ATP9A: variants seen among roughly 807,000 people sequenced by gnomAD.
ATP9A encodes ATPase phospholipid transporting 9A.
A neutral mutation model predicts 144.1 loss-of-function variants in ATP9A; 52 were observed. The ratio of observed to expected loss-of-function variants is 0.36; its 90% confidence interval spans 0.29 to 0.45. The LOEUF (loss-of-function observed/expected upper bound fraction) is 0.45. Among genes scored for constraint, ATP9A ranks in the 20% least tolerant of loss-of-function variants. ATP9A has a pLI of 1.00. For missense variants in ATP9A, 947 were observed against 1,392.7 expected, an observed-to-expected ratio of 0.68 and a Z score of 5.09; for synonymous variants, 582 against 557.4, an observed-to-expected ratio of 1.04 and a Z score of -0.62.
rs753320696 is a variant in ATP9A, at chr20:51,618,931, C to T, written c.2205+23G>A. The stretch of plus-strand genomic sequence containing the variant: ...AGACCCAGGCTGCTGGGAGGACTGG[C>T]TCTCAGGGGTCCCCAAGCTCACCTC... On this transcript the variant is annotated intron_variant, in intron 20 of 27. Coordinates refer to ENST00000338821, the MANE Select transcript of ATP9A (RefSeq NM_006045.3). 1.6e-5 allele frequency: 25 copies of T among 1,612,900 alleles called. No individual in the cohort carries two copies. In the African/African-American group the frequency reaches 2.7e-4, roughly 17 times the overall value.
intron 1 of ATP9A, among the ~76,000 whole-genome samples, chr20:51,760,375 C>T (rs1046130123): frequency 1.8e-4 from 27 of 152,070 alleles, no homozygotes; most frequent in Admixed American, 1.7e-3. Flanking sequence ...CCATATTTCC[C>T]CTAAGAGCAA....
At chr20:51,659,224 G>A (rs1382468464) in intron 13 of ATP9A, among the ~76,000 whole-genome samples, 2 of 152,054 alleles carry the variant, frequency 1.3e-5, no homozygotes, top group Admixed American at 6.6e-5. Context: ...CCTTCCCGTT[G>A]CAAGTCACAT....
rs189667061 is a variant in ATP9A at position 51,619,930 on chromosome 20, C to T, written c.2116-887G>A. On this transcript the variant is annotated intron_variant, in intron 19 of 27. Coordinates refer to ENST00000338821, the MANE Select transcript of ATP9A (RefSeq NM_006045.3). ...TCGGCCAGGTGTTGGATGATGCATT[C>T]GGTGGATTTTTCTCATTTATTTCTC... 4.7e-5 allele frequency among the ~76,000 whole-genome samples: 7 copies of T among 150,096 alleles called. No individual in the cohort carries two copies. The East Asian group carries it at 1.2e-3, about 25-fold the overall frequency.
intron 14 of ATP9A, among the ~76,000 whole-genome samples, chr20:51,641,681 A>C (rs1189515822): frequency 6.6e-6 from 1 of 151,326 alleles, no homozygotes; most frequent in Non-Finnish European, 1.5e-5. Context: ...AAAATAAAAA[A>C]TAAGCTGGGC....
intron 13 of ATP9A, among the ~76,000 whole-genome samples, chr20:51,668,194 C>T (rs2077441854): frequency 1.7e-5 from 2 of 119,804 alleles, no homozygotes; most frequent in South Asian, 5.7e-4. Flanking sequence ...AAAAAAAAGG[C>T]CGAAGGGGTG....
chr20:51,756,598 C>T (rs2077857253), intron 1 of ATP9A, among the ~76,000 whole-genome samples: 1 of 151,936 alleles, frequency 6.6e-6, no homozygotes, highest in Admixed American at 6.6e-5. Flanking sequence ...GCCTCTCTTT[C>T]TGTCTTAATC....
chr20:51,709,397 C>G (rs978704278), intron 4 of ATP9A, among the ~76,000 whole-genome samples: 39 of 152,140 alleles, frequency 2.6e-4, no homozygotes, highest in Non-Finnish European at 1.2e-4. Context: ...CACCTGTAAT[C>G]CCAGCTACTC....
At position 51,755,318 on chromosome 20, in the gene ATP9A, C is replaced by T. The variant is rs557654034; in HGVS notation, c.68+12984G>A. Among the ~76,000 whole-genome samples, 11 of 151,898 alleles carry T rather than the reference C, an allele frequency of 7.2e-5. No individual in the cohort carries two copies. In the East Asian group the frequency reaches 1.7e-3, roughly 24 times the overall value. On this transcript the variant is annotated intron_variant, in intron 1 of 27. Coordinates refer to ENST00000338821, the MANE Select transcript of ATP9A (RefSeq NM_006045.3). ...GGCGTGGTGCCACGGGCCTGTAATC[C>T]CAGCTACCCAGGAGGCTGAGGCAGG...
chr20:51,632,120 A>G (rs1233914326), intron 15 of ATP9A, among the ~76,000 whole-genome samples: 3 of 151,938 alleles, frequency 2.0e-5, no homozygotes, highest in Non-Finnish European at 1.5e-5. Context: ...CCCAGGCTAG[A>G]GCGCAATGGC....
intron 1 of ATP9A, among the ~76,000 whole-genome samples, chr20:51,753,102 CA>C (rs200895118): frequency 6.3e-4 from 79 of 125,326 alleles, no homozygotes; most frequent in South Asian, 1.0e-3. Flanking sequence ...GACTCTGTCT[CA>C]AAAAAAAAAA....
At position 51,676,180 on chromosome 20, in the gene ATP9A, A is replaced by C; in HGVS notation, c.828T>G (p.Thr276=). The change falls in exon 10 of 28, where the codon ACT becomes ACG. Residue 276 remains threonine (T), a synonymous_variant. Coordinates refer to ENST00000338821, the MANE Select transcript of ATP9A (RefSeq NM_006045.3). ...SGTVVGVVLY[T]GRELRSVMNT... Reference sequence around the variant, plus strand: ...TCATGACACTCCGGAGTTCTCTGCCAGTGTAAAGAACAACACCCACAACAG... The same window carrying C: ...TCATGACACTCCGGAGTTCTCTGCCCGTGTAAAGAACAACACCCACAACAG... The C allele has an allele frequency of 6.2e-7, 1 of 1,612,962 alleles. No individual in the cohort carries two copies. Among genetic ancestry groups the C allele is most frequent in the South Asian group, 1.1e-5 (1 of 91,004 alleles).
chr20:51,673,545 C>A (rs565135286), intron 11 of ATP9A, among the ~76,000 whole-genome samples: 14 of 152,272 alleles, frequency 9.2e-5, no homozygotes, highest in African/African-American at 2.9e-4. Context: ...CTCAACACAG[C>A]AGTCCCAACA....
chr20:51,764,665 C>T (rs2077895940), intron 1 of ATP9A, among the ~76,000 whole-genome samples: 2 of 152,132 alleles, frequency 1.3e-5, no homozygotes, highest in African/African-American at 4.8e-5. Context: ...CTCTCACAAC[C>T]TCCAAGACCA....
chr20:51,645,544 A>G (rs73616812), intron 14 of ATP9A, among the ~76,000 whole-genome samples: 3 of 152,006 alleles, frequency 2.0e-5, no homozygotes, highest in Non-Finnish European at 4.4e-5. Context: ...AACAAACAAA[A>G]AAAAAACAAG....
At chr20:51,646,601 T>G (rs1455429161) in intron 14 of ATP9A, among the ~76,000 whole-genome samples, 3 of 152,120 alleles carry the variant, frequency 2.0e-5, no homozygotes, top group African/African-American at 7.2e-5. Context: ...CAGGGCCATG[T>G]GGGGGTCAGA....
chr20:51,763,535 G>A (rs528524406), intron 1 of ATP9A, among the ~76,000 whole-genome samples: 100 of 151,856 alleles, frequency 6.6e-4, no homozygotes, highest in African/African-American at 2.1e-3. Flanking sequence ...GGATGGTCTG[G>A]ATCTCCTGAC....
At chr20:51,651,955 A>G (rs998222078) in intron 14 of ATP9A, among the ~76,000 whole-genome samples, 2 of 152,320 alleles carry the variant, frequency 1.3e-5, no homozygotes, top group East Asian at 3.9e-4. Flanking sequence ...AGTTTTTTAA[A>G]TATGAAAAAT....
Position 51,597,086 on chromosome 20 carries a change from T to G in ATP9A, c.*4125A>C, listed in dbSNP as rs1229972335. ...AAAATAATAAATTAGCCATAATTTG[T>G]TTTTTTTGCAAATACCATGCCCCCC... On this transcript the variant is annotated 3_prime_UTR_variant, in exon 28 of 28. Coordinates refer to ENST00000338821, the MANE Select transcript of ATP9A (RefSeq NM_006045.3). 6.6e-6 allele frequency: 1 copy of G among 151,696 alleles called. No homozygotes were observed. Among genetic ancestry groups the G allele is most frequent in the Non-Finnish European group, 1.5e-5 (1 of 67,934 alleles). 9.4% of individuals were successfully genotyped at this position (151,696 alleles called of 1,614,324 possible).
At position 51,651,943 on chromosome 20, in the gene ATP9A, A is replaced by C. The variant is rs147762799; in HGVS notation, c.1506+4995T>G. Among the ~76,000 whole-genome samples the C allele has an allele frequency of 1.9e-3, 287 of 152,292 alleles. 1 individual carries two copies. The highest frequency in any genetic ancestry group is 6.6e-3 in the African/African-American group (275 of 41,552). ...AAAGCGCCTGGCCAAAAAAAGAAAA[A>C]AAGTTTTTTAAATATGAAAAATTCA... On this transcript the variant is annotated intron_variant, in intron 14 of 27. Transcript: ENST00000338821.
Sources: gnomAD v4.1 joint callset for allele counts (sites outside exome capture counted in the v4.1 genomes callset) on GRCh38, gnomAD v4.1.1 for gene constraint, MANE v1.5 for transcripts, NCBI Gene and HGNC (gene_info 2026-07-23, HGNC 2026-07-21) for gene names.